Variants in NCOA7 observed in about 807,000 individuals in gnomAD.
The protein encoded by NCOA7 is nuclear receptor coactivator 7.
NCOA7 carries 45 observed loss-of-function variants against 104.3 expected under a neutral mutation model. That is an observed-to-expected ratio of 0.43 (90% CI 0.34 to 0.55). The LOEUF (loss-of-function observed/expected upper bound fraction) is 0.55. Ranked by LOEUF, NCOA7 falls within the 20% of genes least tolerant of loss-of-function variation. The pLI, the probability that NCOA7 is intolerant of heterozygous loss-of-function variation, is 0.02. For missense variants in NCOA7, 1,041 were observed against 1,119.7 expected, an observed-to-expected ratio of 0.93 and a Z score of 1.00; for synonymous variants, 398 against 402.3, an observed-to-expected ratio of 0.99 and a Z score of 0.13.
At chr6:125,887,502 A>G (rs569508520) in intron 8 of NCOA7, among the ~76,000 whole-genome samples, 1 of 152,352 alleles carries the variant, frequency 6.6e-6, no homozygotes, top group African/African-American at 2.4e-5. Context: ...TGCTTATTAA[A>G]TTGAAATGAA....
At chr6:125,921,154 A>G in intron 12 of NCOA7, 86 bp downstream of exon 12, 1 of 1,515,314 alleles carries the variant, frequency 6.6e-7, no homozygotes, top group East Asian at 2.4e-5. Context: ...TCATGCCTGT[A>G]ATCCTCACAC....
intron 3 of NCOA7, among the ~76,000 whole-genome samples, chr6:125,857,232 C>T (rs999991908): frequency 2.0e-5 from 3 of 151,924 alleles, no homozygotes; most frequent in Non-Finnish European, 4.4e-5. Context: ...AGGAAAATTG[C>T]ATTTCATATC....
chr6:125,854,599 T>G (rs1256621534), intron 2 of NCOA7, among the ~76,000 whole-genome samples: 1 of 152,242 alleles, frequency 6.6e-6, no homozygotes, highest in Non-Finnish European at 1.5e-5. Context: ...GACTTGTTTT[T>G]ACAAATGTGC....
chr6:125,785,118 G>A (rs1046431318), intron 1 of NCOA7, among the ~76,000 whole-genome samples: 1 of 152,058 alleles, frequency 6.6e-6, no homozygotes, highest in African/African-American at 2.4e-5. Context: ...CAGGTGGATC[G>A]CCTGAGGTCA....
chr6:125,930,571 A>G lies in NCOA7; in HGVS notation c.*1800A>G, dbSNP rs1320108825. On this transcript the variant is annotated 3_prime_UTR_variant, in exon 16 of 16. Transcript: ENST00000392477. The stretch of plus-strand genomic sequence containing the variant: ...TTACATATCTGCATTTAAAAAAGCA[A>G]TTCTTAGAATACTTCCTTTACATTA... 6.6e-6 allele frequency: 1 copy of G among 152,666 alleles called. No individual in the cohort carries two copies. The highest frequency in any genetic ancestry group is 1.5e-5 in the Non-Finnish European group (1 of 68,038). 9.5% of individuals were successfully genotyped at this position (152,666 alleles called of 1,614,324 possible).
chr6:125,922,516 T>A (rs1373911014), intron 12 of NCOA7, among the ~76,000 whole-genome samples, 166 bp from the exon 13 acceptor site: 1 of 152,164 alleles, frequency 6.6e-6, no homozygotes, highest in African/African-American at 2.4e-5. Flanking sequence ...CACTGTCAAA[T>A]GATCATTTTC....
At chr6:125,879,104 T>G (rs1783615557) in intron 5 of NCOA7, among the ~76,000 whole-genome samples, 1 of 152,222 alleles carries the variant, frequency 6.6e-6, no homozygotes, top group Non-Finnish European at 1.5e-5. Context: ...TTACTCTAGT[T>G]TAGCTATATA....
chr6:125,799,624 T>C (rs561167109), intron 1 of NCOA7, among the ~76,000 whole-genome samples: 1 of 152,218 alleles, frequency 6.6e-6, no homozygotes, highest in Non-Finnish European at 1.5e-5. Flanking sequence ...GTATTTTTAG[T>C]AGAGACGGGG....
intron 1 of NCOA7, among the ~76,000 whole-genome samples, chr6:125,806,723 C>T (rs770680077): frequency 2.2e-4 from 33 of 152,046 alleles, no homozygotes; most frequent in Non-Finnish European, 2.9e-4. Context: ...TTGGGAATTT[C>T]GTATCTTCTT....
chr6:125,804,816 C>T (rs1248962793), intron 1 of NCOA7, among the ~76,000 whole-genome samples: 2 of 151,966 alleles, frequency 1.3e-5, no homozygotes, highest in African/African-American at 4.8e-5. Flanking sequence ...CAAATTCTGA[C>T]TGTCTGTATT....
chr6:125,889,563 A>G lies in NCOA7; in HGVS notation c.1509A>G (p.Pro503=), dbSNP rs772458235. 1 of 1,614,132 alleles carries G rather than the reference A, an allele frequency of 6.2e-7. No individual in the cohort carries two copies. Among genetic ancestry groups the G allele is most frequent in the Non-Finnish European group, 8.5e-7 (1 of 1,180,014 alleles). ...AAGTGGACAAGCAGTCTGGTTCGCC[A>G]GAAAGCCGAGTAGAAAACACACTGA... ...MPEVDKQSGS[P]ESRVENTLNI... The change falls in exon 9 of 16, where the codon CCA becomes CCG. Residue 503 remains proline, a synonymous_variant. Coordinates refer to ENST00000392477, the MANE Select transcript of NCOA7 (RefSeq NM_181782.5).
chr6:125,893,342 A>G (rs1319939955), intron 10 of NCOA7, among the ~76,000 whole-genome samples: 1 of 152,218 alleles, frequency 6.6e-6, no homozygotes, highest in Non-Finnish European at 1.5e-5. Context: ...TGACTTATCC[A>G]CTATGTTAAA....
At chr6:125,847,647 A>G (rs537190744) in intron 2 of NCOA7, among the ~76,000 whole-genome samples, 22 of 152,350 alleles carry the variant, frequency 1.4e-4, no homozygotes, top group Admixed American at 1.3e-3. Flanking sequence ...TTATACAAAA[A>G]TTAATTCAAG....
At chr6:125,825,409 TAAATC>T (rs1172542316) in intron 2 of NCOA7, among the ~76,000 whole-genome samples, 10 of 152,208 alleles carry the variant, frequency 6.6e-5, no homozygotes, top group Admixed American at 5.2e-4. Flanking sequence ...TGGAGTGACT[TAAATC>T]AAATCACTGT....
chr6:125,882,069 G>C (rs1266756469), intron 6 of NCOA7, among the ~76,000 whole-genome samples: 1 of 152,100 alleles, frequency 6.6e-6, no homozygotes, highest in African/African-American at 2.4e-5. Flanking sequence ...AGTCAGGCAG[G>C]TCCCGAACTC....
chr6:125,855,366 G>A, intron 3 of NCOA7, 126 bp downstream of exon 3: 1 of 701,596 alleles, frequency 1.4e-6, no homozygotes, highest in Admixed American at 2.9e-5. Context: ...ATGTGCCCCT[G>A]GCCCTTGCTT....
chr6:125,818,318 T>G (rs1208004242), intron 2 of NCOA7, among the ~76,000 whole-genome samples: 1 of 152,134 alleles, frequency 6.6e-6, no homozygotes, highest in Admixed American at 6.5e-5. Flanking sequence ...AAACCAAAAC[T>G]GTTCTGGAAG....
chr6:125,786,552 A>G (rs570695636), upstream of NCOA7, among the ~76,000 whole-genome samples: 236 of 151,608 alleles, frequency 1.6e-3, no homozygotes, highest in African/African-American at 5.4e-3. Flanking sequence ...GGGACAAAAT[A>G]TCATACACAA....
chr6:125,889,836 C>T lies in NCOA7; in HGVS notation c.1782C>T (p.Asn594=), dbSNP rs1417733485. The change falls in exon 9 of 16, where the codon AAC becomes AAT. Residue 594 remains asparagine (N), a synonymous_variant. Coordinates refer to ENST00000392477, the MANE Select transcript of NCOA7 (RefSeq NM_181782.5). ...GAGAGCCCCTCCCGGTAAAACTGAA[C>T]TCTTCTACAGAAGCAAATGTGATTA... The part of the protein sequence containing the change: ...KKGEPLPVKL[N]SSTEANVIKE... 1.2e-6 allele frequency: 2 copies of T among 1,613,804 alleles called. No individual in the cohort carries two copies. Among genetic ancestry groups the T allele is most frequent in the Non-Finnish European group, 8.5e-7 (1 of 1,179,932 alleles).
Sources: gnomAD v4.1 joint callset for allele counts (sites outside exome capture counted in the v4.1 genomes callset) on GRCh38, gnomAD v4.1.1 for gene constraint, MANE v1.5 for transcripts, NCBI Gene and HGNC (gene_info 2026-07-23, HGNC 2026-07-21) for gene names.